AGAP1: variants seen among roughly 807,000 people sequenced by gnomAD.
AGAP1 encodes ArfGAP with GTPase domain, ankyrin repeat and PH domain 1, also known as arf-GAP with GTPase, ANK repeat and PH domain-containing protein 1.
In AGAP1, 29 loss-of-function variants were observed where a neutral mutation model predicts 105.3. The observed-to-expected ratio is 0.28, with a 90% CI of 0.21 to 0.38. The LOEUF is 0.38. Among genes scored for constraint, AGAP1 ranks in the 10% least tolerant of loss-of-function variants. The probability of loss-of-function intolerance (pLI) is 1.00; values close to 1 mark genes in which losing one functional copy is unlikely to be tolerated. For synonymous variants in AGAP1, 509 were observed against 485.9 expected, an observed-to-expected ratio of 1.05 and a Z score of -0.63; for missense variants, 998 against 1,165.1, an observed-to-expected ratio of 0.86 and a Z score of 2.09.
At chr2:235,759,164 C>CTTTTTTTT (rs560528348) in intron 6 of AGAP1, among the ~76,000 whole-genome samples, 2 of 104,104 alleles carry the variant, frequency 1.9e-5, no homozygotes, top group Admixed American at 1.0e-4. Context: ...TGATGTCATT[C>CTTTTTTTT]TTTTTTTTTT....
rs1946035469 is a variant in AGAP1, at chr2:235,608,851, C to T, written c.164-100328C>T. Among the ~76,000 whole-genome samples, 1 of 152,112 alleles carries T rather than the reference C, an allele frequency of 6.6e-6. No homozygotes were observed. Among genetic ancestry groups the T allele is most frequent in the Non-Finnish European group, 1.5e-5 (1 of 68,026 alleles). On this transcript the variant is annotated intron_variant, in intron 1 of 17. Transcript: ENST00000304032. The surrounding 1 kb of genome is among the most constrained non-coding windows in gnomAD (Gnocchi z 5.4). ...AAGGGTGAAATTCGAATAGATTGTACGAAGGTTTGAGAGCTGGCATGACCC... is the reference window on the plus strand; with the variant it reads ...AAGGGTGAAATTCGAATAGATTGTATGAAGGTTTGAGAGCTGGCATGACCC...
intron 13 of AGAP1, among the ~76,000 whole-genome samples, chr2:235,969,281 C>G (rs1043653846): frequency 6.6e-6 from 1 of 151,358 alleles, no homozygotes; most frequent in Non-Finnish European, 1.5e-5. Flanking sequence ...TTCATAGATG[C>G]AAGTAGAGAT....
chr2:235,774,164 G>T, intron 6 of AGAP1: 1 of 377,970 alleles, frequency 2.6e-6, no homozygotes. Context: ...ATAAATAAAT[G>T]CCCTTATTCT....
intron 12 of AGAP1, among the ~76,000 whole-genome samples, chr2:235,947,741 T>C (rs1164214644): frequency 6.6e-6 from 1 of 152,166 alleles, no homozygotes; most frequent in Admixed American, 6.5e-5. Context: ...TCAGCCTCTG[T>C]TGAGTGAATT....
At chr2:235,861,819 A>G (rs1176782906) in intron 9 of AGAP1, among the ~76,000 whole-genome samples, 1 of 152,184 alleles carries the variant, frequency 6.6e-6, no homozygotes, top group East Asian at 1.9e-4. Flanking sequence ...TCTTACCTCC[A>G]TCTGGTCACT....
chr2:235,508,073 G>T (rs1179239915), intron 1 of AGAP1, among the ~76,000 whole-genome samples: 2 of 152,054 alleles, frequency 1.3e-5, no homozygotes, highest in Non-Finnish European at 2.9e-5. Flanking sequence ...TTATGATATT[G>T]GCCTCCAGCT....
intron 1 of AGAP1, among the ~76,000 whole-genome samples, chr2:235,562,830 G>A (rs1944206784): frequency 1.3e-5 from 2 of 152,148 alleles, no homozygotes; most frequent in Non-Finnish European, 2.9e-5. Flanking sequence ...ACTGAGGTGG[G>A]AGGATTGATT....
In AGAP1 at chr2:236,051,995, A is replaced by G. The variant is rs990434065; in HGVS notation, c.2114+2714A>G. Among the ~76,000 whole-genome samples the G allele has an allele frequency of 2.6e-5, 4 of 152,250 alleles. No individual in the cohort carries two copies. The highest frequency in any genetic ancestry group is 6.5e-5 in the Admixed American group (1 of 15,294). The stretch of plus-strand genomic sequence containing the variant: ...ATCTCCGCAAGCCGGTCTGTCCATG[A>G]CGTGAGAAGATTCTGCCTTTCGAAG... On this transcript the variant is annotated intron_variant, in intron 16 of 17. Transcript: ENST00000304032. The surrounding 1 kb of genome is among the most constrained non-coding windows in gnomAD (Gnocchi z 5.9).
intron 6 of AGAP1, among the ~76,000 whole-genome samples, chr2:235,770,209 G>A (rs151015732): frequency 0.019 from 2,905 of 150,950 alleles, 92 homozygotes; most frequent in African/African-American, 0.068. Flanking sequence ...CCCACTGTAA[G>A]CTCCGCTCCC....
rs949378419 is a variant in AGAP1, at chr2:235,754,496, G to A, written c.673+4008G>A. On this transcript the variant is annotated intron_variant, in intron 6 of 17. Transcript: ENST00000304032. This position sits in a 1 kb window ranked among gnomAD's most constrained non-coding sequence, Gnocchi z 4.6. ...CCATGTTCCTGATTGGCTCTGTACC[G>A]AGGTTCATTTAAAAGGCCAGGGACC... is the stretch of plus-strand genomic sequence containing the variant. Among the ~76,000 whole-genome samples the A allele has an allele frequency of 1.1e-4, 16 of 151,522 alleles. No homozygotes were observed. The highest frequency in any genetic ancestry group is 1.9e-4 in the East Asian group (1 of 5,162).
At chr2:235,768,616 G>A (rs1051430010) in intron 6 of AGAP1, among the ~76,000 whole-genome samples, 1 of 152,236 alleles carries the variant, frequency 6.6e-6, no homozygotes, top group African/African-American at 2.4e-5. Flanking sequence ...GAGCCAATGG[G>A]TAGAGCTGGG....
rs1473947972 is a variant in AGAP1, at chr2:236,056,384, G to T, written c.2114+7103G>T. On this transcript the variant is annotated intron_variant, in intron 16 of 17. Coordinates refer to ENST00000304032, the MANE Select transcript of AGAP1 (RefSeq NM_001037131.3). This position sits in a 1 kb window ranked among gnomAD's most constrained non-coding sequence, Gnocchi z 4.6. ...TTACGTTCTGAAATACGGCCGTCGT[G>T]ACAATTAAGGAGTTTCTGATGCTTA... 6.6e-6 allele frequency among the ~76,000 whole-genome samples: 1 copy of T among 152,170 alleles called. No individual in the cohort carries two copies. Among genetic ancestry groups the T allele is most frequent in the East Asian group, 1.9e-4 (1 of 5,186 alleles).
In AGAP1 at chr2:235,735,911, C is replaced by T. The variant is rs541972787; in HGVS notation, c.311-5052C>T. ...GGGACCGCTGTATCCCCAAGTAGCT[C>T]GGGCGAGGTGAGAGCACTCCATTCT... On this transcript the variant is annotated intron_variant, in intron 3 of 17. Transcript: ENST00000304032. Among the ~76,000 whole-genome samples the T allele has an allele frequency of 9.2e-5, 14 of 152,096 alleles. No homozygotes were observed. In the South Asian group the frequency reaches 2.9e-3, roughly 32 times the overall value.
chr2:236,069,558 G>A (rs1489036110), intron 16 of AGAP1, among the ~76,000 whole-genome samples: 2 of 152,128 alleles, frequency 1.3e-5, no homozygotes, highest in Non-Finnish European at 2.9e-5. Context: ...CAAATAGCTG[G>A]GATTACAGGC....
In AGAP1 at chr2:235,893,234, G is replaced by A. The variant is rs563661992; in HGVS notation, c.1155+9785G>A. ...TCCATCATAATGAAGCACCATGTCTGTAGCGCGGGTGTGCCATGTCCATCA... is the reference window on the plus strand; with the variant it reads ...TCCATCATAATGAAGCACCATGTCTATAGCGCGGGTGTGCCATGTCCATCA... On this transcript the variant is annotated intron_variant, in intron 10 of 17. Transcript: ENST00000304032. The surrounding 1 kb of genome is among the most constrained non-coding windows in gnomAD (Gnocchi z 4.7). 1.1e-4 allele frequency among the ~76,000 whole-genome samples: 16 copies of A among 151,622 alleles called. No individual in the cohort carries two copies. Among genetic ancestry groups the A allele is most frequent in the Non-Finnish European group, 1.5e-4 (10 of 67,900 alleles).
intron 1 of AGAP1, chr2:235,506,922 C>G (rs1264315615): frequency 6.5e-6 from 1 of 152,732 alleles, no homozygotes; most frequent in African/African-American, 2.4e-5. Flanking sequence ...ACTTTTTCTT[C>G]CAGTCTTGTG....
intron 9 of AGAP1, among the ~76,000 whole-genome samples, chr2:235,808,762 C>T (rs886157134): frequency 3.3e-5 from 5 of 152,058 alleles, no homozygotes; most frequent in African/African-American, 9.7e-5. Context: ...TGGATTGGCC[C>T]GGGGCACCTT....
At chr2:235,512,173 C>T (rs1942174142) in intron 1 of AGAP1, among the ~76,000 whole-genome samples, 1 of 152,208 alleles carries the variant, frequency 6.6e-6, no homozygotes, top group African/African-American at 2.4e-5. Flanking sequence ...TGATCTGTTG[C>T]TGCATCAGCA....
intron 6 of AGAP1, among the ~76,000 whole-genome samples, chr2:235,770,191 G>T (rs1955321806): frequency 1.4e-5 from 2 of 147,982 alleles, no homozygotes; most frequent in South Asian, 4.2e-4. Flanking sequence ...GCAGTGGTGG[G>T]ATCTCCGCCC....
Sources: allele counts gnomAD v4.1 joint callset (sites outside exome capture counted in the v4.1 genomes callset), GRCh38; gene constraint gnomAD v4.1.1; non-coding constraint Gnocchi (gnomAD v3.1); transcripts MANE v1.5; gene names NCBI Gene and HGNC (gene_info 2026-07-23, HGNC 2026-07-21).